DNAI7: variants seen among roughly 807,000 people sequenced by gnomAD.
DNAI7 encodes the protein cancer susceptibility 1.
A neutral mutation model predicts 86.6 loss-of-function variants in DNAI7; 78 were observed. That is an observed-to-expected ratio of 0.90 (90% confidence interval 0.75 to 1.09). The LOEUF (loss-of-function observed/expected upper bound fraction) is 1.09, where lower values mean the gene tolerates loss of function less well. DNAI7 is among the 50% of genes least tolerant of loss of function. The pLI, the probability that DNAI7 is intolerant of heterozygous loss-of-function variation, is 0.00. For missense variants in DNAI7, 753 were observed against 810.2 expected (o/e 0.93, Z 0.86); for synonymous variants, 274 against 273.0 (o/e 1.00, Z -0.04).
At chr12:25,166,086 C>G (rs1947429869) in intron 2 of DNAI7, among the ~76,000 whole-genome samples, 1 of 152,126 alleles carries the variant, frequency 6.6e-6, no homozygotes, top group Non-Finnish European at 1.5e-5. Context: ...TCATGCACCC[C>G]TTACCATCCC....
At position 25,181,863 on chromosome 12, in the gene DNAI7, A is replaced by T. The variant is rs577916488; in HGVS notation, c.21+8751T>A. On this transcript the variant is annotated intron_variant, in intron 2 of 15. Transcript: ENST00000395987. ...TCAGAATGTCTACTATTAAAAAATTAAAAAAAGGGACATGTTGGTGAGGAT... is the reference window on the plus strand; with the variant it reads ...TCAGAATGTCTACTATTAAAAAATTTAAAAAAGGGACATGTTGGTGAGGAT... 3.7e-4 allele frequency among the ~76,000 whole-genome samples: 56 copies of T among 152,210 alleles called. No individual in the cohort carries two copies. In the South Asian group the frequency reaches 5.8e-3, roughly 16 times the overall value.
At position 25,154,364 on chromosome 12, in the gene DNAI7, ATT is replaced by A; in HGVS notation, c.391_392del (p.Asn131Ter). 6.2e-7 allele frequency: 1 copy of A among 1,610,874 alleles called. No individual in the cohort carries two copies. Among genetic ancestry groups the A allele is most frequent in the Non-Finnish European group, 8.5e-7 (1 of 1,179,034 alleles). ...TFISLWKEKT[N>X]ETFEEVIEKS... ...TCTCAATCACTTCCTCAAAAGTCTC[ATT>A]TGTTTTCTCTTTCCACAAACTAATA... On this transcript the variant is annotated frameshift_variant, in exon 6 of 16. Transcript: ENST00000395987. LOFTEE classifies it high-confidence loss of function.
chr12:25,114,897 CTA>C (rs1289113634), intron 12 of DNAI7, 27 bp from the exon 13 acceptor site: 2 of 1,521,258 alleles, frequency 1.3e-6, no homozygotes, highest in Non-Finnish European at 1.8e-6. Flanking sequence ...GAAAGTGACA[CTA>C]GTTTCATTTT....
intron 1 of DNAI7, among the ~76,000 whole-genome samples, chr12:25,194,482 C>T (rs781196285): frequency 1.3e-5 from 2 of 152,106 alleles, no homozygotes; most frequent in Non-Finnish European, 2.9e-5. Flanking sequence ...TGATGGAAAC[C>T]ACATTTAAGA....
In DNAI7 at chr12:25,108,583, T is replaced by C. The variant is rs1207339916; in HGVS notation, c.2134A>G (p.Met712Val). 2 of 1,613,752 alleles carry C rather than the reference T, an allele frequency of 1.2e-6. No homozygotes were observed. The highest frequency in any genetic ancestry group is 4.5e-5 in the East Asian group (2 of 44,878). The change falls in exon 16 of 16, where the codon ATG becomes GTG. Residue 712 changes from methionine (M) to valine (V), a missense_variant. Met to Val is a conservative substitution (Grantham distance 21). Transcript: ENST00000395987. ...NCQFVNSVCHMLLSTRLLSYS is the reference protein window; with the variant it reads ...NCQFVNSVCHVLLSTRLLSYS ...CTGAGCAATCTGGTAGAGAGCAGCATGTGGCACACAGAGTTGACAAACTGA... is the reference window on the plus strand; with the variant it reads ...CTGAGCAATCTGGTAGAGAGCAGCACGTGGCACACAGAGTTGACAAACTGA...
At chr12:25,168,313 A>T (rs567581692) in intron 2 of DNAI7, among the ~76,000 whole-genome samples, 1 of 152,306 alleles carries the variant, frequency 6.6e-6, no homozygotes, top group African/African-American at 2.4e-5. Flanking sequence ...TTCAATTTGC[A>T]AATAGGACCG....
chr12:25,179,408 C>T (rs1185819511), intron 2 of DNAI7, among the ~76,000 whole-genome samples: 1 of 152,058 alleles, frequency 6.6e-6, no homozygotes, highest in Non-Finnish European at 1.5e-5. Flanking sequence ...TCTTCTAAAT[C>T]CTTACTGATT....
Position 25,190,611 on chromosome 12 carries a change from T to A in DNAI7, c.21+3A>T, listed in dbSNP as rs761089444. On this transcript the variant is annotated splice_donor_region_variant and intron_variant, in intron 2 of 15. Transcript: ENST00000395987. ...TATCTATTTTGAAAAAAATTCTACA[T>A]ACCTTTTTTGCTTTGGGACCCTAAA... is the stretch of plus-strand genomic sequence containing the variant. 1 of 1,388,806 alleles carries A rather than the reference T, an allele frequency of 7.2e-7. No individual in the cohort carries two copies. Among genetic ancestry groups the A allele is most frequent in the Non-Finnish European group, 9.9e-7 (1 of 1,010,382 alleles). The allele number at this position is 1,388,806 out of a possible 1,614,324, so 86.0% of individuals were successfully genotyped here.
At chr12:25,124,351 T>C (rs928095835) in intron 9 of DNAI7, among the ~76,000 whole-genome samples, 1 of 150,726 alleles carries the variant, frequency 6.6e-6, no homozygotes, top group African/African-American at 2.4e-5. Context: ...CTCCCTTATT[T>C]ATTCATTCAA....
Position 25,158,525 on chromosome 12 carries a change from T to G in DNAI7, c.145A>C (p.Arg49=), listed in dbSNP as rs1170101101. 3.1e-6 allele frequency: 5 copies of G among 1,612,958 alleles called. No individual in the cohort carries two copies. The highest frequency in any genetic ancestry group is 4.2e-6 in the Non-Finnish European group (5 of 1,179,718). Residue 49 remains arginine (R), a synonymous_variant, in exon 4 of 16, where the codon AGG becomes CGG. Coordinates refer to ENST00000395987, the MANE Select transcript of DNAI7 (RefSeq NM_018272.5). ...RLKYEKEEME[R]LEIQRIEKEK... ...TTCTCAATTCGCTGTATTTCAAGCC[T>G]TTCCATTTCTTCTTTCTCATATTTC...
At chr12:25,131,397 T>C (rs140223135) in intron 9 of DNAI7, among the ~76,000 whole-genome samples, 5 of 152,350 alleles carry the variant, frequency 3.3e-5, no homozygotes, top group African/African-American at 9.6e-5. Context: ...TGTGATTATA[T>C]AGGAATACAA....
intron 11 of DNAI7, among the ~76,000 whole-genome samples, chr12:25,120,504 C>G (rs538666336): frequency 7.0e-4 from 107 of 151,828 alleles, no homozygotes; most frequent in African/African-American, 2.4e-3. Flanking sequence ...GGGCGGATCA[C>G]GAGGTCAGGA....
intron 1 of DNAI7, 55 bp from the exon 2 acceptor site, chr12:25,190,686 A>G: frequency 9.8e-7 from 1 of 1,021,818 alleles, no homozygotes; most frequent in Middle Eastern, 2.2e-4. Flanking sequence ...TCTGATACAA[A>G]AGTATCATGA....
At chr12:25,157,998 G>C (rs1018716433) in intron 4 of DNAI7, among the ~76,000 whole-genome samples, 3 of 152,158 alleles carry the variant, frequency 2.0e-5, no homozygotes, top group Admixed American at 6.5e-5. Flanking sequence ...GGGAGGCTGA[G>C]GGGGGCGGAT....
intron 6 of DNAI7, among the ~76,000 whole-genome samples, chr12:25,150,566 T>C (rs1945406609): frequency 7.8e-6 from 1 of 127,916 alleles, no homozygotes; most frequent in Non-Finnish European, 1.5e-5. Flanking sequence ...ATTGCACCAC[T>C]GCACTCCAGC....
chr12:25,182,299 A>T (rs1255305474), intron 2 of DNAI7, among the ~76,000 whole-genome samples: 1 of 148,638 alleles, frequency 6.7e-6, no homozygotes. Context: ...GTGAGCCGAG[A>T]TCGCACCATT....
chr12:25,149,782 G>T lies in DNAI7; in HGVS notation c.439-8C>A. The T allele has an allele frequency of 2.1e-6, 3 of 1,447,358 alleles. No homozygotes were observed. The highest frequency in any genetic ancestry group is 2.3e-5 in the East Asian group (1 of 43,722). The allele number at this position is 1,447,358 out of a possible 1,614,324, so 89.7% of individuals were successfully genotyped here. A position where few individuals can be genotyped will look rare whatever the true frequency, so the allele number is the denominator to read the frequency against. On this transcript the variant is annotated splice_region_variant and splice_polypyrimidine_tract_variant and intron_variant, in intron 6 of 15. Coordinates refer to ENST00000395987, the MANE Select transcript of DNAI7 (RefSeq NM_018272.5). ...TTTCAATTTCTCAATTAACTGTAAA[G>T]TAAAAGAATATTTGCATTAATTCTC... is the stretch of plus-strand genomic sequence containing the variant.
intron 1 of DNAI7, among the ~76,000 whole-genome samples, chr12:25,191,740 T>C (rs1424897859): frequency 6.6e-6 from 1 of 152,168 alleles, no homozygotes; most frequent in African/African-American, 2.4e-5. Flanking sequence ...GGTAAAGCTA[T>C]GATAAAATGA....
chr12:25,155,334 G>T lies in DNAI7; in HGVS notation c.277C>A (p.Gln93Lys). ...ACCTGAGAAAGCAATTTAGTTTCCT[G>T]TTTCAATTTCTCTGCTTCAGGAAAA... ...RCFPEAEKLKQETKLLSQWKH... is the reference protein window; with the variant it reads ...RCFPEAEKLKKETKLLSQWKH... The change falls in exon 5 of 16, where the codon CAG becomes AAG. Residue 93 changes from glutamine to lysine, a missense_variant. Physicochemically the swap from Gln to Lys is moderately conservative, Grantham distance 53. Coordinates refer to ENST00000395987, the MANE Select transcript of DNAI7 (RefSeq NM_018272.5). The T allele has an allele frequency of 6.2e-7, 1 of 1,600,612 alleles. No individual in the cohort carries two copies. The highest frequency in any genetic ancestry group is 8.5e-7 in the Non-Finnish European group (1 of 1,170,946).
Sources: gnomAD v4.1 joint callset for allele counts (sites outside exome capture counted in the v4.1 genomes callset) on GRCh38, gnomAD v4.1.1 for gene constraint, MANE v1.5 for transcripts, NCBI Gene and HGNC (gene_info 2026-07-23, HGNC 2026-07-21) for gene names.